DNAH9: variants seen among roughly 807,000 people sequenced by gnomAD.
DNAH9 encodes the protein dynein axonemal heavy chain 9.
In DNAH9, 345 loss-of-function variants were observed where a neutral mutation model predicts 471.6. That is an observed-to-expected ratio of 0.73 (90% CI 0.67 to 0.80). The LOEUF (loss-of-function observed/expected upper bound fraction) is 0.80, where lower values mean the gene tolerates loss of function less well. Among genes scored for constraint, DNAH9 ranks in the 30% least tolerant of loss-of-function variants. The pLI is 0.00. For synonymous variants in DNAH9, 2,093 were observed against 2,123.6 expected (o/e 0.99, Z 0.40); for missense variants, 5,407 against 5,609.2 (o/e 0.96, Z 1.15).
chr17:11,894,299 G>A (rs1230438930), intron 58 of DNAH9, 75 bp from the exon 59 acceptor site: 4 of 1,577,178 alleles, frequency 2.5e-6, no homozygotes, highest in Non-Finnish European at 3.5e-6. Flanking sequence ...TAATTATACT[G>A]AGTGACAACC....
chr17:11,780,974 A>T, intron 38 of DNAH9, 35 bp from the exon 39 acceptor site: 1 of 1,599,598 alleles, frequency 6.3e-7, no homozygotes, highest in African/African-American at 1.3e-5. Context: ...CTGAGATTTG[A>T]GCCGCCTTCC....
At chr17:11,691,765 G>T (rs1324961969) in intron 20 of DNAH9, among the ~76,000 whole-genome samples, 1 of 151,992 alleles carries the variant, frequency 6.6e-6, no homozygotes, top group Non-Finnish European at 1.5e-5. Flanking sequence ...ATCCCATTGA[G>T]GAATCATAAT....
At chr17:11,800,271 C>G (rs1369188144) in intron 43 of DNAH9, among the ~76,000 whole-genome samples, 1 of 151,884 alleles carries the variant, frequency 6.6e-6, no homozygotes, top group Non-Finnish European at 1.5e-5. Context: ...ATGAACACCC[C>G]TATCCCTATC....
chr17:11,829,251 G>A (rs1002495883), intron 48 of DNAH9, among the ~76,000 whole-genome samples: 9 of 152,280 alleles, frequency 5.9e-5, no homozygotes, highest in African/African-American at 1.9e-4. Flanking sequence ...AAGGACTTGA[G>A]TTATTTTGTA....
In DNAH9 at chr17:11,763,438, A is replaced by G; in HGVS notation, c.6996-2A>G. 1 of 1,613,250 alleles carries G rather than the reference A, an allele frequency of 6.2e-7. No individual in the cohort carries two copies. Among genetic ancestry groups the G allele is most frequent in the Non-Finnish European group, 8.5e-7 (1 of 1,179,516 alleles). On this transcript the variant is annotated splice_acceptor_variant, in intron 35 of 68. Transcript: ENST00000262442. LOFTEE classifies it high-confidence loss of function. ...CAGATCCCCTCGGGTCTCTCTTTGC[A>G]GGTTTAAGAAGATCATTCCCATCCC...
intron 60 of DNAH9, 140 bp from the exon 61 acceptor site, chr17:11,905,521 G>A: frequency 1.2e-6 from 1 of 854,674 alleles, no homozygotes; most frequent in Non-Finnish European, 1.7e-6. Flanking sequence ...CAGTGGACTT[G>A]GAGCCAGTCC....
At position 11,642,862 on chromosome 17, in the gene DNAH9, A is replaced by G. The variant is rs568001673; in HGVS notation, c.1902-1769A>G. On this transcript the variant is annotated intron_variant, in intron 10 of 68. Transcript: ENST00000262442. ...CCTCTCCTTGCTGCCTGGCAGATGC[A>G]TCTGCTCTTTCATCACAAACGTGGA... is the stretch of plus-strand genomic sequence containing the variant. Among the ~76,000 whole-genome samples, 3 of 152,178 alleles carry G rather than the reference A, an allele frequency of 2.0e-5. No homozygotes were observed. In the South Asian group the frequency reaches 6.3e-4, roughly 32 times the overall value.
chr17:11,834,328 C>CAAAAA (rs762924565), intron 48 of DNAH9, among the ~76,000 whole-genome samples: 60 of 77,364 alleles, frequency 7.8e-4, no homozygotes, highest in Admixed American at 1.0e-3. Flanking sequence ...GACTCCGTCT[C>CAAAAA]AAAAAAAAAA....
At chr17:11,935,719 G>C (rs933441032) in intron 65 of DNAH9, among the ~76,000 whole-genome samples, 1 of 149,754 alleles carries the variant, frequency 6.7e-6, no homozygotes, top group African/African-American at 2.6e-5. Flanking sequence ...TTTTGAACAT[G>C]CCTAGAAAAA....
At position 11,704,334 on chromosome 17, in the gene DNAH9, C is replaced by G; in HGVS notation, c.5283C>G (p.Ile1761Met). 6.2e-7 allele frequency: 1 copy of G among 1,614,168 alleles called. No individual in the cohort carries two copies. The highest frequency in any genetic ancestry group is 8.5e-7 in the Non-Finnish European group (1 of 1,180,024). Residue 1761 changes from isoleucine (I) to methionine (M), a missense_variant, in exon 25 of 69, where the codon ATC becomes ATG. Physicochemically the swap from Ile to Met is conservative, Grantham distance 10 (BLOSUM62 1). This residue lies in a region of DNAH9 where 4,636 missense variants were observed against 4,900.3 expected (regional missense o/e 0.95). Transcript: ENST00000262442. The part of the protein sequence containing the change: ...KKQVAQLKTL[I>M]TMLIGQLSKG... Reference sequence around the variant, plus strand: ...AAGTGGCCCAGCTCAAAACCCTTATCACCATGCTGATTGGCCAGCTCTCCA... The same window carrying G: ...AAGTGGCCCAGCTCAAAACCCTTATGACCATGCTGATTGGCCAGCTCTCCA...
intron 18 of DNAH9, among the ~76,000 whole-genome samples, chr17:11,680,349 G>A (rs1012896259): frequency 6.6e-6 from 1 of 152,204 alleles, no homozygotes; most frequent in Non-Finnish European, 1.5e-5. Context: ...AAGGGAAGGG[G>A]TTAATGTAGC....
chr17:11,822,790 T>G lies in DNAH9; in HGVS notation c.9013-11T>G. 6.2e-7 allele frequency: 1 copy of G among 1,613,936 alleles called. No homozygotes were observed. The highest frequency in any genetic ancestry group is 8.5e-7 in the Non-Finnish European group (1 of 1,179,828). On this transcript the variant is annotated splice_polypyrimidine_tract_variant and intron_variant, in intron 47 of 68. Transcript: ENST00000262442. Reference sequence around the variant, plus strand: ...AAGATAATCTTTTCATTTCTTGCTCTTTGGTTTTAGCCCACAGTAAAGCAG... The same window carrying G: ...AAGATAATCTTTTCATTTCTTGCTCGTTGGTTTTAGCCCACAGTAAAGCAG...
intron 10 of DNAH9, among the ~76,000 whole-genome samples, chr17:11,644,079 G>A (rs2073331825): frequency 6.6e-6 from 1 of 152,114 alleles, no homozygotes; most frequent in African/African-American, 2.4e-5. Flanking sequence ...TATACGATTG[G>A]CAGCACAGTA....
In DNAH9 at chr17:11,834,387, G is replaced by A. The variant is rs139985410; in HGVS notation, c.9247-251G>A. On this transcript the variant is annotated intron_variant, in intron 48 of 68. Coordinates refer to ENST00000262442, the MANE Select transcript of DNAH9 (RefSeq NM_001372.4). ...ATAAAAAAGAAAGGTCAGGGCACATGTAATTTAGAATATTCCAGCACATTT... is the reference window on the plus strand; with the variant it reads ...ATAAAAAAGAAAGGTCAGGGCACATATAATTTAGAATATTCCAGCACATTT... Among the ~76,000 whole-genome samples the A allele has an allele frequency of 2.0e-3, 308 of 151,294 alleles. 1 individual carries two copies. Among genetic ancestry groups the A allele is most frequent in the African/African-American group, 6.8e-3 (279 of 41,302 alleles).
intron 56 of DNAH9, among the ~76,000 whole-genome samples, chr17:11,886,180 C>T (rs1237015253): frequency 2.0e-5 from 3 of 151,960 alleles, no homozygotes; most frequent in Non-Finnish European, 4.4e-5. Flanking sequence ...AAAAATTAGT[C>T]GGGCGTGGTG....
rs2151453500 is a variant in DNAH9 at position 11,962,581 on chromosome 17, G to A, written c.13233+325G>A. On this transcript the variant is annotated intron_variant, in intron 68 of 68. Coordinates refer to ENST00000262442, the MANE Select transcript of DNAH9 (RefSeq NM_001372.4). The surrounding 1 kb of genome is among the most constrained non-coding windows in gnomAD (Gnocchi z 4.1). ...AGACCTCACCTGTTAGATGGGAGAA[G>A]AGCGTCATTGTAAAAGTTAAACGAG... is the stretch of plus-strand genomic sequence containing the variant. 6.6e-6 allele frequency among the ~76,000 whole-genome samples: 1 copy of A among 152,328 alleles called. No individual in the cohort carries two copies. Among genetic ancestry groups the A allele is most frequent in the Non-Finnish European group, 1.5e-5 (1 of 68,024 alleles).
At chr17:11,786,061 T>G (rs1567801781) in intron 41 of DNAH9, among the ~76,000 whole-genome samples, 1 of 147,106 alleles carries the variant, frequency 6.8e-6, no homozygotes. Context: ...GAAGTGGGGG[T>G]GTTACTAGGT....
chr17:11,793,538 C>T lies in DNAH9; in HGVS notation c.8097C>T (p.Ser2699=), dbSNP rs116388225. ...TCTCCTCAGTGGAATGTGTGAAATC[C>T]ACATGGGATCTTATAAGGCTCTATC... The part of the protein sequence containing the change: ...ILFSSVECVK[S]TWDLIRLYLH... The change falls in exon 42 of 69, where the codon TCC becomes TCT. Residue 2699 remains serine, a synonymous_variant. Transcript: ENST00000262442. 1.2e-6 allele frequency: 2 copies of T among 1,613,474 alleles called. No individual in the cohort carries two copies. The highest frequency in any genetic ancestry group is 2.7e-5 in the African/African-American group (2 of 74,940).
chr17:11,692,581 AGT>A (rs1267376463), intron 20 of DNAH9, among the ~76,000 whole-genome samples: 2 of 152,184 alleles, frequency 1.3e-5, no homozygotes, highest in Non-Finnish European at 2.9e-5. Flanking sequence ...TTACGAATCA[AGT>A]GTTGTATACC....
Sources: gnomAD v4.1 joint callset for allele counts (sites outside exome capture counted in the v4.1 genomes callset) on GRCh38, gnomAD v4.1.1 for gene constraint, gnomAD v4.1.1 regional missense constraint, Gnocchi (gnomAD v3.1) non-coding constraint, MANE v1.5 for transcripts, NCBI Gene and HGNC (gene_info 2026-07-23, HGNC 2026-07-21) for gene names.